The following SMARCC1 variants were observed in gnomAD, a reference collection of about 807,000 sequenced individuals.
SMARCC1 encodes SWI/SNF complex subunit SMARCC1.
SMARCC1 carries 43 observed loss-of-function variants against 147.4 expected under a neutral mutation model. That is an observed-to-expected ratio of 0.29 (90% CI 0.23 to 0.38). The LOEUF is 0.38. SMARCC1 is among the 10% of genes least tolerant of loss of function. SMARCC1 has a pLI of 1.00. For missense variants in SMARCC1, 1,119 were observed against 1,381.1 expected, an observed-to-expected ratio of 0.81 and a Z score of 3.01; for synonymous variants, 495 against 484.4, an observed-to-expected ratio of 1.02 and a Z score of -0.29.
At chr3:47,681,488 A>C (rs1209651215) in intron 14 of SMARCC1, among the ~76,000 whole-genome samples, 3 of 152,222 alleles carry the variant, frequency 2.0e-5, no homozygotes, top group Non-Finnish European at 4.4e-5. Flanking sequence ...CAGGCCTAAC[A>C]GTAAAAAAAG....
chr3:47,708,097 T>TTTTTTTC (rs1559650654), intron 9 of SMARCC1, among the ~76,000 whole-genome samples: 8 of 113,500 alleles, frequency 7.0e-5, no homozygotes, highest in Non-Finnish European at 1.3e-4. Flanking sequence ...TTTTTTTTTT[T>TTTTTTTC]TTTTTTTTTT....
intron 18 of SMARCC1, among the ~76,000 whole-genome samples, chr3:47,671,173 C>CAAAAAAAAAAAAAAAAAAAAAAAAAAAA (rs775759680): frequency 6.8e-5 from 2 of 29,238 alleles, no homozygotes; most frequent in African/African-American, 3.3e-4. Context: ...GAGACTATCT[C>CAAAAAAAAAAAAAAAAAAAAAAAAAAAA]AAAAAAAAAA....
At chr3:47,652,623 CAA>C (rs11377736) in intron 21 of SMARCC1, among the ~76,000 whole-genome samples, 3 of 134,930 alleles carry the variant, frequency 2.2e-5, no homozygotes, top group Non-Finnish European at 4.7e-5. Flanking sequence ...CTTGCTTTTG[CAA>C]AAAAAAAAAA....
chr3:47,739,219 A>T (rs758680111), intron 3 of SMARCC1, among the ~76,000 whole-genome samples: 3 of 152,236 alleles, frequency 2.0e-5, no homozygotes, highest in Admixed American at 2.0e-4. Context: ...CTTCATAAAT[A>T]TAACAGCTTA....
At chr3:47,749,775 G>A (rs2034608463) in intron 2 of SMARCC1, among the ~76,000 whole-genome samples, 1 of 147,048 alleles carries the variant, frequency 6.8e-6, no homozygotes, top group African/African-American at 2.5e-5. Context: ...AGGTGGCGGG[G>A]AGAGGGATAG....
At chr3:47,627,318 A>G (rs1324061933) in intron 24 of SMARCC1, among the ~76,000 whole-genome samples, 3 of 151,878 alleles carry the variant, frequency 2.0e-5, no homozygotes, top group Non-Finnish European at 4.4e-5. Context: ...CATCATCTCT[A>G]GTCATGAGGA....
intron 21 of SMARCC1, among the ~76,000 whole-genome samples, chr3:47,648,151 C>T (rs576990192): frequency 2.0e-5 from 3 of 152,146 alleles, no homozygotes; most frequent in African/African-American, 7.2e-5. Flanking sequence ...TGCGCCACCA[C>T]ACCCAGCTAA....
At chr3:47,722,293 AT>A (rs34260316) in intron 6 of SMARCC1, among the ~76,000 whole-genome samples, 97 of 107,058 alleles carry the variant, frequency 9.1e-4, no homozygotes, top group African/African-American at 1.5e-3. Context: ...ACAAATTTTG[AT>A]TTTTTTTTTT....
At chr3:47,677,437 C>T (rs1373889423) in intron 16 of SMARCC1, among the ~76,000 whole-genome samples, 4 of 148,140 alleles carry the variant, frequency 2.7e-5, no homozygotes, top group Non-Finnish European at 4.5e-5. Flanking sequence ...AGAGCTAGGG[C>T]GCAGAGCTTA....
intron 11 of SMARCC1, among the ~76,000 whole-genome samples, chr3:47,699,309 G>T (rs1305671693): frequency 6.6e-6 from 1 of 152,114 alleles, no homozygotes; most frequent in Non-Finnish European, 1.5e-5. Context: ...AAAAGGACAA[G>T]TACTAATTCT....
At position 47,781,874 on chromosome 3, in the gene SMARCC1, C is replaced by G. The variant is rs555258313; in HGVS notation, c.-77G>C. The G allele has an allele frequency of 1.9e-6, 2 of 1,037,810 alleles. No individual in the cohort carries two copies. The highest frequency in any genetic ancestry group is 3.5e-5 in the East Asian group (1 of 28,928). 64.3% of individuals were successfully genotyped at this position (1,037,810 alleles called of 1,614,324 possible). On this transcript the variant is annotated 5_prime_UTR_variant, in exon 1 of 28. Coordinates refer to ENST00000254480, the MANE Select transcript of SMARCC1 (RefSeq NM_003074.4). ...TTCCCGGTCGTTCCCGCGCGCACCC[C>G]CGCGCGCGTAGCCGCCACTGCCGCT... is the stretch of plus-strand genomic sequence containing the variant.
chr3:47,742,369 CTA>C (rs1238211338), intron 3 of SMARCC1, among the ~76,000 whole-genome samples: 2 of 152,032 alleles, frequency 1.3e-5, no homozygotes, highest in Non-Finnish European at 2.9e-5. Context: ...AGTCAACTCT[CTA>C]TTACTTAATT....
In SMARCC1 at chr3:47,698,843, G is replaced by A. The variant is rs374747197; in HGVS notation, c.1165+2435C>T. Among the ~76,000 whole-genome samples the A allele has an allele frequency of 7.2e-5, 11 of 151,876 alleles. No homozygotes were observed. The East Asian group carries it at 1.3e-3, about 19-fold the overall frequency. ...AATAACTCAGGCCCTGTGGTATTAA[G>A]TACAATGAGATGGTTAGAATAGAAT... is the stretch of plus-strand genomic sequence containing the variant. On this transcript the variant is annotated intron_variant, in intron 11 of 27. Transcript: ENST00000254480.
chr3:47,730,456 G>A (rs1433994112), intron 5 of SMARCC1, among the ~76,000 whole-genome samples: 1 of 152,102 alleles, frequency 6.6e-6, no homozygotes, highest in Middle Eastern at 3.2e-3. Context: ...ACGTTAGCCT[G>A]GGCAATACAG....
At chr3:47,706,934 A>G (rs1279884114) in intron 9 of SMARCC1, among the ~76,000 whole-genome samples, 1 of 152,256 alleles carries the variant, frequency 6.6e-6, no homozygotes, top group Non-Finnish European at 1.5e-5. Context: ...GTAGCATTAT[A>G]GGAATTATTC....
intron 21 of SMARCC1, among the ~76,000 whole-genome samples, chr3:47,649,221 A>T (rs1337806839): frequency 1.3e-5 from 2 of 152,216 alleles, no homozygotes; most frequent in Non-Finnish European, 2.9e-5. Context: ...GCATTGGCCT[A>T]GGGTGTTTTC....
chr3:47,688,824 C>T (rs2033759932), intron 13 of SMARCC1, among the ~76,000 whole-genome samples: 1 of 152,134 alleles, frequency 6.6e-6, no homozygotes, highest in African/African-American at 2.4e-5. Flanking sequence ...ACCTTGCAAC[C>T]AGGGGAGTAT....
chr3:47,600,998 T>TGAGAGAGATAGAGAGAGA lies in SMARCC1; in HGVS notation c.3043+9067_3043+9068insTCTCTCTCTATCTCTCTC, dbSNP rs2032373590. The stretch of plus-strand genomic sequence containing the variant: ...CCAGCAGACAGGGAGAGGAAGAAAA[T>TGAGAGAGATAGAGAGAGA]GAGAGAGAGAGAGAGAGAGAGAGAG... On this transcript the variant is annotated intron_variant, in intron 26 of 27. Coordinates refer to ENST00000254480, the MANE Select transcript of SMARCC1 (RefSeq NM_003074.4). Among the ~76,000 whole-genome samples the TGAGAGAGATAGAGAGAGA allele has an allele frequency of 3.3e-4, 28 of 85,200 alleles. 1 individual carries two copies. Among genetic ancestry groups the TGAGAGAGATAGAGAGAGA allele is most frequent in the Admixed American group, 1.1e-3 (9 of 8,226 alleles). 55.9% of individuals were successfully genotyped at this position (85,200 alleles called of 152,430 possible). A position where few individuals can be genotyped will look rare whatever the true frequency, so the allele number is the denominator to read the frequency against.
At position 47,661,195 on chromosome 3, in the gene SMARCC1, G is replaced by T. The variant is rs2033341523; in HGVS notation, c.2320+99C>A. On this transcript the variant is annotated intron_variant, in intron 21 of 27. Coordinates refer to ENST00000254480, the MANE Select transcript of SMARCC1 (RefSeq NM_003074.4). ...AAAAGACAAGTTTATACTGATCATT[G>T]TACTCACTTTTTAGTGCAAGTAAAC... 1.4e-5 allele frequency: 14 copies of T among 972,352 alleles called. No homozygotes were observed. The South Asian group carries it at 2.2e-4, about 15-fold the overall frequency. The allele number at this position is 972,352 out of a possible 1,614,324, so 60.2% of individuals were successfully genotyped here.
Sources: gnomAD v4.1 joint callset for allele counts (sites outside exome capture counted in the v4.1 genomes callset) on GRCh38, gnomAD v4.1.1 for gene constraint, MANE v1.5 for transcripts, NCBI Gene and HGNC (gene_info 2026-07-23, HGNC 2026-07-21) for gene names.